Variants in CTNNA1 observed in about 807,000 individuals in gnomAD.
CTNNA1 encodes catenin alpha-1.
In CTNNA1, 37 loss-of-function variants were observed where a neutral mutation model predicts 98.4. The ratio of observed to expected loss-of-function variants is 0.38; its 90% CI spans 0.29 to 0.49. The LOEUF (loss-of-function observed/expected upper bound fraction) is 0.49. CTNNA1 is among the 20% of genes least tolerant of loss of function. The probability of loss-of-function intolerance (pLI) is 0.95; values close to 1 mark genes in which losing one functional copy is unlikely to be tolerated. For missense variants in CTNNA1, 761 were observed against 1,147.2 expected (o/e 0.66, Z 4.86); for synonymous variants, 404 against 413.2 (o/e 0.98, Z 0.27).
At chr5:138,829,384 G>A (rs1761040978) in intron 7 of CTNNA1, among the ~76,000 whole-genome samples, 1 of 152,180 alleles carries the variant, frequency 6.6e-6, no homozygotes, top group African/African-American at 2.4e-5. Flanking sequence ...GGTAGTGCTG[G>A]AAATGGTGTA....
chr5:138,816,395 G>A (rs1029649194), intron 5 of CTNNA1, among the ~76,000 whole-genome samples: 2 of 152,168 alleles, frequency 1.3e-5, no homozygotes, highest in Non-Finnish European at 2.9e-5. Context: ...ATACCCAGTA[G>A]TGGGATTGCT....
chr5:138,810,817 A>T (rs1236839388), intron 4 of CTNNA1, among the ~76,000 whole-genome samples: 1 of 152,188 alleles, frequency 6.6e-6, no homozygotes, highest in African/African-American at 2.4e-5. Context: ...CACCTCCCAG[A>T]CGGGGTTTCG....
rs36038829 is a variant in CTNNA1, at chr5:138,768,558, GTTT to G, written c.-2-13343_-2-13341del. 1.2e-4 allele frequency among the ~76,000 whole-genome samples: 8 copies of G among 67,594 alleles called. 1 individual carries two copies. The highest frequency in any genetic ancestry group is 5.3e-4 in the East Asian group (1 of 1,872). The allele number at this position is 67,594 out of a possible 152,430, so 44.3% of individuals were successfully genotyped here. On this transcript the variant is annotated intron_variant, in intron 1 of 17. Transcript: ENST00000302763. ...TTACAGGCATGAGACAACGGTGTCT[GTTT>G]TTTTTTTTTTTTTTTTTTTTTGAGA...
intron 16 of CTNNA1, 118 bp from the exon 17 acceptor site, chr5:138,932,460 T>C (rs1328880040): frequency 4.7e-6 from 7 of 1,478,800 alleles, no homozygotes; most frequent in Non-Finnish European, 6.3e-6. Flanking sequence ...GTGATTTTGC[T>C]CCAGCAAGAG....
At chr5:138,783,475 A>G (rs1755360481) in intron 3 of CTNNA1, 103 bp downstream of exon 3, 3 of 918,776 alleles carry the variant, frequency 3.3e-6, no homozygotes, top group Non-Finnish European at 5.0e-6. Flanking sequence ...TATGCTTGCC[A>G]ATTGCTCAGT....
In CTNNA1 at chr5:138,861,696, G is replaced by A. The variant is rs773723645; in HGVS notation, c.1063-24516G>A. Among the ~76,000 whole-genome samples, 34 of 152,134 alleles carry A rather than the reference G, an allele frequency of 2.2e-4. 1 individual carries two copies. The highest frequency in any genetic ancestry group is 2.1e-3 in the Admixed American group (32 of 15,278). On this transcript the variant is annotated intron_variant, in intron 7 of 17. Coordinates refer to ENST00000302763, the MANE Select transcript of CTNNA1 (RefSeq NM_001903.5). The stretch of plus-strand genomic sequence containing the variant: ...TAATTATTAAAAGTAAAAAGGGTAC[G>A]TCTTAAATGGCAGGTATTCTTGGTC...
chr5:138,932,781 C>T, intron 17 of CTNNA1, 69 bp downstream of exon 17: 4 of 1,581,142 alleles, frequency 2.5e-6, no homozygotes, highest in Non-Finnish European at 3.5e-6. Context: ...TGAAAGTCAC[C>T]TCCTATCCGC....
At chr5:138,776,125 G>T (rs1754135058) in intron 1 of CTNNA1, among the ~76,000 whole-genome samples, 1 of 150,810 alleles carries the variant, frequency 6.6e-6, no homozygotes, top group South Asian at 2.1e-4. Flanking sequence ...GACAACAGTG[G>T]AGGGAGGGTC....
chr5:138,926,906 T>C (rs1286093804), intron 13 of CTNNA1, among the ~76,000 whole-genome samples: 3 of 152,114 alleles, frequency 2.0e-5, no homozygotes, highest in African/African-American at 7.2e-5. Flanking sequence ...GCCTCCTCCC[T>C]CTCACTTGCT....
chr5:138,900,727 CTAA>C (rs1757852488), intron 9 of CTNNA1, among the ~76,000 whole-genome samples: 1 of 152,174 alleles, frequency 6.6e-6, no homozygotes, highest in African/African-American at 2.4e-5. Context: ...GTACAGATGT[CTAA>C]TCTGTTGATC....
At chr5:138,823,026 A>G (rs1406994581) in intron 5 of CTNNA1, among the ~76,000 whole-genome samples, 1 of 152,202 alleles carries the variant, frequency 6.6e-6, no homozygotes, top group Non-Finnish European at 1.5e-5. Context: ...AATACTCAAA[A>G]TGTTTAAATT....
chr5:138,907,686 A>AT (rs1278016918), intron 10 of CTNNA1, among the ~76,000 whole-genome samples: 3 of 152,206 alleles, frequency 2.0e-5, no homozygotes, highest in Non-Finnish European at 4.4e-5. Flanking sequence ...TAGGAGCTTA[A>AT]TTTGGTGTTT....
chr5:138,933,363 C>G (rs959155177), intron 17 of CTNNA1, among the ~76,000 whole-genome samples: 1 of 152,174 alleles, frequency 6.6e-6, no homozygotes. Flanking sequence ...CATGGCTTCT[C>G]TTAATCCCAC....
At chr5:138,865,652 C>A (rs1412482302) in intron 7 of CTNNA1, among the ~76,000 whole-genome samples, 2 of 152,116 alleles carry the variant, frequency 1.3e-5, no homozygotes, top group African/African-American at 4.8e-5. Flanking sequence ...TTTCTAACCC[C>A]TTTTTGTAAT....
At chr5:138,931,523 C>T (rs1278697695) in intron 16 of CTNNA1, 2 of 877,800 alleles carry the variant, frequency 2.3e-6, no homozygotes, top group Non-Finnish European at 2.7e-6. Context: ...GAGACACAAG[C>T]CTCCTTACAC....
chr5:138,856,000 A>G (rs776760641), intron 7 of CTNNA1, among the ~76,000 whole-genome samples: 6 of 152,196 alleles, frequency 3.9e-5, no homozygotes, highest in Non-Finnish European at 7.3e-5. Context: ...TTATAGAGTT[A>G]ATTTTGGGTA....
At chr5:138,927,391 G>GC (rs1415979981) in intron 13 of CTNNA1, among the ~76,000 whole-genome samples, 1 of 152,152 alleles carries the variant, frequency 6.6e-6, no homozygotes, top group African/African-American at 2.4e-5. Flanking sequence ...AGTGAGCTAA[G>GC]CCCCCCTTCT....
At chr5:138,899,363 C>T (rs1360052808) in intron 9 of CTNNA1, among the ~76,000 whole-genome samples, 1 of 152,192 alleles carries the variant, frequency 6.6e-6, no homozygotes, top group East Asian at 1.9e-4. Context: ...AATACATAAC[C>T]TCTTAAATGT....
At chr5:138,854,617 TA>T (rs1174772516) in intron 7 of CTNNA1, among the ~76,000 whole-genome samples, 1 of 152,236 alleles carries the variant, frequency 6.6e-6, no homozygotes, top group Non-Finnish European at 1.5e-5. Context: ...ATAAAGGATT[TA>T]AAATGCAGAA....
Sources: allele counts gnomAD v4.1 joint callset (sites outside exome capture counted in the v4.1 genomes callset), GRCh38; gene constraint gnomAD v4.1.1; transcripts MANE v1.5; gene names NCBI Gene and HGNC (gene_info 2026-07-23, HGNC 2026-07-21).